Variants in CACNA1C observed in about 807,000 individuals in gnomAD.
CACNA1C encodes calcium voltage-gated channel subunit alpha1 C, also known as voltage-dependent L-type calcium channel subunit alpha-1C.
In CACNA1C, 30 loss-of-function variants were observed where a neutral mutation model predicts 229.0. That is an observed-to-expected ratio of 0.13 (90% CI 0.10 to 0.18). CACNA1C has a LOEUF of 0.18. Ranked by LOEUF, CACNA1C falls within the 10% of genes least tolerant of loss-of-function variation. The pLI, the probability that CACNA1C is intolerant of heterozygous loss-of-function variation, is 1.00. For synonymous variants in CACNA1C, 1,114 were observed against 1,132.5 expected (o/e 0.98, Z 0.33); for missense variants, 1,658 against 2,845.0 (o/e 0.58, Z 9.49).
At chr12:2,017,046 G>A (rs1427253375) in intron 1 of CACNA1C, among the ~76,000 whole-genome samples, 1 of 152,212 alleles carries the variant, frequency 6.6e-6, no homozygotes, top group African/African-American at 2.4e-5. Context: ...GGAATTTGGA[G>A]TTTATTCTCT....
intron 1 of CACNA1C, among the ~76,000 whole-genome samples, chr12:2,086,532 A>T (rs149673288): frequency 6.6e-6 from 1 of 152,300 alleles, no homozygotes; most frequent in East Asian, 1.9e-4. Context: ...AGGGAAGGCT[A>T]GCAGCTGTTA....
intron 1 of CACNA1C, among the ~76,000 whole-genome samples, chr12:2,114,649 A>G (rs1464844094): frequency 6.6e-6 from 1 of 152,052 alleles, no homozygotes; most frequent in Admixed American, 6.5e-5. Context: ...TCATTTTATT[A>G]TATTTATTTT....
rs927413451 is a variant in CACNA1C, at chr12:2,029,458, C to T, written c.139+58257C>T. ...CCTCACCCAGGGCCCTGGCAGCCAC[C>T]GCTCTGCTTTCTGTCTCCGTGGATT... On this transcript the variant is annotated intron_variant, in intron 1 of 46. Coordinates refer to the CACNA1C transcript ENST00000682462. The surrounding 1 kb of genome is among the most constrained non-coding windows in gnomAD (Gnocchi z 4.9). 2.6e-5 allele frequency among the ~76,000 whole-genome samples: 4 copies of T among 152,282 alleles called. No individual in the cohort carries two copies. Among genetic ancestry groups the T allele is most frequent in the South Asian group, 2.1e-4 (1 of 4,814 alleles).
chr12:2,548,919 C>G (rs1195591052), intron 9 of CACNA1C, among the ~76,000 whole-genome samples: 1 of 152,138 alleles, frequency 6.6e-6, no homozygotes, highest in African/African-American at 2.4e-5. Flanking sequence ...TCTGGAGGAA[C>G]AGCAGAACCA....
chr12:2,477,426 T>C (rs967953472), intron 5 of CACNA1C, among the ~76,000 whole-genome samples: 1 of 152,188 alleles, frequency 6.6e-6, no homozygotes, highest in African/African-American at 2.4e-5. Flanking sequence ...TCCTCCTGGC[T>C]TAATGGAAAG....
chr12:1,976,192 C>G (rs2034303705), intron 1 of CACNA1C, among the ~76,000 whole-genome samples: 1 of 152,126 alleles, frequency 6.6e-6, no homozygotes, highest in East Asian at 1.9e-4. Context: ...GTCACAGTGA[C>G]AAGTTTCATC....
intron 3 of CACNA1C, among the ~76,000 whole-genome samples, chr12:2,246,347 A>G (rs146083780): frequency 5.0e-4 from 76 of 152,314 alleles, no homozygotes; most frequent in African/African-American, 1.6e-3. Context: ...AATTCTGAGC[A>G]GGAAAGTAAT....
At chr12:2,361,835 C>T (rs1236040839) in intron 3 of CACNA1C, among the ~76,000 whole-genome samples, 1 of 152,210 alleles carries the variant, frequency 6.6e-6, no homozygotes, top group African/African-American at 2.4e-5. Context: ...CCCTGATAAG[C>T]AAATGCCACT....
chr12:2,315,244 C>T (rs1311492066), intron 3 of CACNA1C, among the ~76,000 whole-genome samples: 1 of 152,186 alleles, frequency 6.6e-6, no homozygotes, highest in East Asian at 1.9e-4. Flanking sequence ...TCTTGTTTAT[C>T]CAGAGGGTTT....
intron 29 of CACNA1C, among the ~76,000 whole-genome samples, chr12:2,627,153 CGT>C (rs2087216479): frequency 6.6e-6 from 1 of 152,090 alleles, no homozygotes; most frequent in African/African-American, 2.4e-5. Flanking sequence ...AGCTGTGCAG[CGT>C]GTGTCTTGGG....
intron 18 of CACNA1C, among the ~76,000 whole-genome samples, chr12:2,591,884 G>A (rs1359592261): frequency 6.6e-6 from 1 of 152,206 alleles, no homozygotes. Flanking sequence ...TCCTTGGCTT[G>A]TAGATGCATC....
intron 10 of CACNA1C, among the ~76,000 whole-genome samples, chr12:2,555,948 TG>T (rs2043996981): frequency 1.3e-5 from 2 of 152,150 alleles, no homozygotes; most frequent in Non-Finnish European, 2.9e-5. Context: ...TGCCTCTCCT[TG>T]TTGCTCCACC....
intron 19 of CACNA1C, among the ~76,000 whole-genome samples, chr12:2,594,254 A>G (rs1431077981): frequency 1.3e-5 from 2 of 152,254 alleles, no homozygotes; most frequent in African/African-American, 2.4e-5. Flanking sequence ...TTATTGAAAA[A>G]GTACAGCCAT....
rs779393130 is a variant in CACNA1C at position 2,053,618 on chromosome 12, C to G, written c.49+7C>G. The stretch of plus-strand genomic sequence containing the variant: ...CCAGAGGAAAACCACCAAGGTAAGG[C>G]TGGACCCCGCCGCCTCGCCGGGGCT... On this transcript the variant is annotated splice_region_variant and intron_variant, in intron 1 of 46. Transcript: ENST00000399655. The surrounding 1 kb of genome is among the most constrained non-coding windows in gnomAD (Gnocchi z 5.8). 10 of 1,582,334 alleles carry G rather than the reference C, an allele frequency of 6.3e-6. No individual in the cohort carries two copies. The Middle Eastern group carries it at 5.2e-4, about 83-fold the overall frequency.
chr12:2,460,939 A>G (rs2099496889), intron 5 of CACNA1C, among the ~76,000 whole-genome samples: 1 of 152,182 alleles, frequency 6.6e-6, no homozygotes, highest in African/African-American at 2.4e-5. Flanking sequence ...GGATCAGTGC[A>G]CTGTACCAGT....
At chr12:2,550,595 C>T in intron 10 of CACNA1C, 3 of 1,351,704 alleles carry the variant, frequency 2.2e-6, no homozygotes, top group South Asian at 2.3e-5. Flanking sequence ...CTTGGGGTGT[C>T]ACGACTGTAA....
Position 2,682,410 on chromosome 12 carries a change from A to G in CACNA1C, c.5445-140A>G, listed in dbSNP as rs1603456798. On this transcript the variant is annotated intron_variant, in intron 42 of 46. Coordinates refer to ENST00000399655, the MANE Select transcript of CACNA1C (RefSeq NM_000719.7). ...AGGAGAACAAAGCACCAGCAACTGT[A>G]TGCCTGTTCACGTGTGTGTGCTTGT... 6 of 978,188 alleles carry G rather than the reference A, an allele frequency of 6.1e-6. No individual in the cohort carries two copies. The South Asian group carries it at 6.3e-5, about 10-fold the overall frequency. The allele number at this position is 978,188 out of a possible 1,614,324, so 60.6% of individuals were successfully genotyped here. A position where few individuals can be genotyped will look rare whatever the true frequency, so the allele number is the denominator to read the frequency against.
chr12:2,477,539 G>A (rs1472646669), intron 5 of CACNA1C, among the ~76,000 whole-genome samples: 1 of 152,174 alleles, frequency 6.6e-6, no homozygotes, highest in Non-Finnish European at 1.5e-5. Context: ...CTCTCTGGCT[G>A]GGGAGTCGAC....
At position 2,582,905 on chromosome 12, in the gene CACNA1C, C is replaced by A; in HGVS notation, c.2187C>A (p.Val729=). The change falls in exon 15 of 47, where the codon GTC becomes GTA. Residue 729 remains valine (V), a synonymous_variant. Coordinates refer to ENST00000399655, the MANE Select transcript of CACNA1C (RefSeq NM_000719.7). ...YGGPSFPGML[V]CIYFIILFIC... The stretch of plus-strand genomic sequence containing the variant: ...GCCCCTCTTTTCCAGGGATGTTAGT[C>A]TGTATTTACTTCATCATCCTCTTCA... The A allele has an allele frequency of 6.3e-7, 1 of 1,598,288 alleles. No individual in the cohort carries two copies. The highest frequency in any genetic ancestry group is 8.5e-7 in the Non-Finnish European group (1 of 1,171,328).
Sources: allele counts gnomAD v4.1 joint callset (sites outside exome capture counted in the v4.1 genomes callset), GRCh38; gene constraint gnomAD v4.1.1; non-coding constraint Gnocchi (gnomAD v3.1); transcripts MANE v1.5; gene names NCBI Gene and HGNC (gene_info 2026-07-23, HGNC 2026-07-21).